STPG2: variants seen among roughly 807,000 people sequenced by gnomAD.
STPG2 encodes the protein sperm-tail PG-rich repeat-containing protein 2.
In STPG2, 56 loss-of-function variants were observed where a neutral mutation model predicts 54.2. That is an observed-to-expected ratio of 1.03 (90% CI 0.83 to 1.29). The LOEUF is 1.29. Among genes scored for constraint, STPG2 ranks in the 50% most tolerant of loss-of-function variants. The pLI, the probability that STPG2 is intolerant of heterozygous loss-of-function variation, is 0.00. For synonymous variants in STPG2, 200 were observed against 181.8 expected (o/e 1.10, Z -0.81); for missense variants, 596 against 544.9 (o/e 1.09, Z -0.93).
At chr4:97,852,820 T>C (rs1729205398) in intron 8 of STPG2, among the ~76,000 whole-genome samples, 1 of 151,944 alleles carries the variant, frequency 6.6e-6, no homozygotes, top group South Asian at 2.1e-4. Flanking sequence ...AGATCCCCAA[T>C]AATATTTACC....
At chr4:97,642,489 A>C (rs1721792223) in intron 10 of STPG2, among the ~76,000 whole-genome samples, 1 of 151,430 alleles carries the variant, frequency 6.6e-6, no homozygotes, top group Admixed American at 6.6e-5. Context: ...ATTTATAACA[A>C]ATCTGATAGA....
At chr4:97,986,638 T>C (rs1560623695) in intron 5 of STPG2, among the ~76,000 whole-genome samples, 2 of 152,220 alleles carry the variant, frequency 1.3e-5, no homozygotes, top group Non-Finnish European at 2.9e-5. Context: ...CATTCATATA[T>C]GCAAATTTGC....
intron 2 of STPG2, among the ~76,000 whole-genome samples, chr4:98,133,318 TTTGA>T (rs1388114542): frequency 6.6e-6 from 1 of 152,008 alleles, no homozygotes; most frequent in African/African-American, 2.4e-5. Context: ...GTGGCTGGCA[TTTGA>T]TTGATCAGCT....
rs550575281 is a variant in STPG2, at chr4:97,567,616, A to C, written c.1321-8499T>G. On this transcript the variant is annotated intron_variant, in intron 10 of 10. Transcript: ENST00000295268. ...ATGTCCAAATATAGGAAATTGGTTA[A>C]ATAAACTATGCTGGATTTACACATT... is the stretch of plus-strand genomic sequence containing the variant. Among the ~76,000 whole-genome samples the C allele has an allele frequency of 2.3e-4, 35 of 151,998 alleles. 1 individual carries two copies. The highest frequency in any genetic ancestry group is 5.9e-4 in the Admixed American group (9 of 15,244).
At chr4:97,478,068 T>C (rs909086960) in intron 4 of STPG2, among the ~76,000 whole-genome samples, 4 of 152,178 alleles carry the variant, frequency 2.6e-5, no homozygotes, top group Admixed American at 2.6e-4. Context: ...ATATAAAGGA[T>C]GAAAACGTTA....
intron 4 of STPG2, among the ~76,000 whole-genome samples, chr4:97,484,367 T>C (rs1428510868): frequency 6.6e-6 from 1 of 151,586 alleles, no homozygotes. Context: ...CATTAAGAAA[T>C]GAAACAGGAG....
chr4:97,540,171 T>G (rs1274108354), intron 4 of STPG2, among the ~76,000 whole-genome samples: 1 of 151,948 alleles, frequency 6.6e-6, no homozygotes, highest in Non-Finnish European at 1.5e-5. Context: ...CTTCAAAAAA[T>G]CAATGAATCC....
intron 10 of STPG2, among the ~76,000 whole-genome samples, chr4:97,635,514 C>A (rs1239208030): frequency 2.0e-5 from 3 of 152,106 alleles, no homozygotes; most frequent in Non-Finnish European, 2.9e-5. Context: ...TGTAAATGGA[C>A]TAAATGCTCC....
chr4:98,053,427 T>G (rs1737385542), intron 5 of STPG2, among the ~76,000 whole-genome samples: 1 of 152,158 alleles, frequency 6.6e-6, no homozygotes, highest in Non-Finnish European at 1.5e-5. Context: ...CCTTTAATAT[T>G]CTGGATTCTA....
At chr4:97,737,336 C>T (rs1385762978) in intron 9 of STPG2, among the ~76,000 whole-genome samples, 1 of 152,196 alleles carries the variant, frequency 6.6e-6, no homozygotes, top group African/African-American at 2.4e-5. Flanking sequence ...AGTTCCTCAC[C>T]AGCAACGGAA....
Position 97,678,771 on chromosome 4 carries a change from C to T in STPG2, c.1320+33928G>A, listed in dbSNP as rs184311942. On this transcript the variant is annotated intron_variant, in intron 10 of 10. Transcript: ENST00000295268. The stretch of plus-strand genomic sequence containing the variant: ...GGTATATCTCCTAATGCTATCCCTC[C>T]ACCCTCCCCCGACCCTACAACAGTC... 1.8e-4 allele frequency among the ~76,000 whole-genome samples: 27 copies of T among 149,308 alleles called. No homozygotes were observed. The East Asian group carries it at 4.6e-3, about 25-fold the overall frequency.
At chr4:97,570,159 T>C (rs962113613) in intron 10 of STPG2, among the ~76,000 whole-genome samples, 2 of 152,152 alleles carry the variant, frequency 1.3e-5, no homozygotes, top group Non-Finnish European at 2.9e-5. Context: ...AGATCCTGGA[T>C]TGAATATTGT....
chr4:98,099,755 A>G (rs952057947), intron 5 of STPG2, among the ~76,000 whole-genome samples: 4 of 152,144 alleles, frequency 2.6e-5, no homozygotes, highest in Non-Finnish European at 5.9e-5. Flanking sequence ...TATACCTGCT[A>G]TGTACCTGCA....
chr4:97,961,409 G>A (rs1733886070), intron 7 of STPG2, among the ~76,000 whole-genome samples: 1 of 152,172 alleles, frequency 6.6e-6, no homozygotes, highest in South Asian at 2.1e-4. Context: ...ACAGTCAGCA[G>A]AGTAAACAGA....
At chr4:97,442,474 T>C (rs544196312) in intron 4 of STPG2, among the ~76,000 whole-genome samples, 1 of 152,246 alleles carries the variant, frequency 6.6e-6, no homozygotes, top group East Asian at 1.9e-4. Context: ...CAAATGATAT[T>C]ATATTTACTG....
intron 2 of STPG2, among the ~76,000 whole-genome samples, chr4:98,133,124 G>T (rs1740045334): frequency 6.6e-6 from 1 of 151,906 alleles, no homozygotes; most frequent in African/African-American, 2.4e-5. Flanking sequence ...TTTAAACATT[G>T]TTTATTACAG....
At chr4:97,634,161 C>A (rs1272892053) in intron 10 of STPG2, among the ~76,000 whole-genome samples, 4 of 152,184 alleles carry the variant, frequency 2.6e-5, no homozygotes, top group Non-Finnish European at 5.9e-5. Flanking sequence ...GGGCAGACTG[C>A]CTCCTCAAGT....
Position 97,615,983 on chromosome 4 carries a change from G to GCTGAGATCA in STPG2, c.1321-56875_1321-56867dup, listed in dbSNP as rs1381306128. On this transcript the variant is annotated intron_variant, in intron 10 of 10. Coordinates refer to ENST00000295268, the MANE Select transcript of STPG2 (RefSeq NM_174952.3). ...ACCTGGGAAGTAAAGGTTGCAGTAA[G>GCTGAGATCA]CTGAGATCACGCCACTGTACTCCAG... Among the ~76,000 whole-genome samples, 82 of 142,696 alleles carry GCTGAGATCA rather than the reference G, an allele frequency of 5.7e-4. 1 individual carries two copies. The highest frequency in any genetic ancestry group is 3.8e-3 in the Middle Eastern group (1 of 260). 93.6% of individuals were successfully genotyped at this position (142,696 alleles called of 152,430 possible).
intron 10 of STPG2, among the ~76,000 whole-genome samples, chr4:97,708,167 G>C (rs1724008219): frequency 6.6e-6 from 1 of 151,778 alleles, no homozygotes; most frequent in South Asian, 2.1e-4. Context: ...ATGTGAAAGG[G>C]ACAAAAACAC....
Sources: gnomAD v4.1 joint callset for allele counts (sites outside exome capture counted in the v4.1 genomes callset) on GRCh38, gnomAD v4.1.1 for gene constraint, MANE v1.5 for transcripts, NCBI Gene and HGNC (gene_info 2026-07-23, HGNC 2026-07-21) for gene names.